Variants in CLVS1 observed in about 807,000 individuals in gnomAD.
CLVS1 encodes clavesin 1, also known as clavesin-1.
Under a neutral mutation model 33.1 loss-of-function variants are expected in CLVS1, and 10 were observed. That is an observed-to-expected ratio of 0.30 (90% CI 0.19 to 0.51). The LOEUF is 0.51. CLVS1 is among the 20% of genes least tolerant of loss of function. The pLI, the probability that CLVS1 is intolerant of heterozygous loss-of-function variation, is 0.97. For synonymous variants in CLVS1, 163 were observed against 166.1 expected, an observed-to-expected ratio of 0.98 and a Z score of 0.14; for missense variants, 343 against 433.4, an observed-to-expected ratio of 0.79 and a Z score of 1.85.
chr8:61,285,488 T>C (rs1809757943), upstream of CLVS1, among the ~76,000 whole-genome samples: 1 of 152,222 alleles, frequency 6.6e-6, no homozygotes, highest in Non-Finnish European at 1.5e-5. Flanking sequence ...TACATATTTG[T>C]TTACCAGGAT....
intron 1 of CLVS1, among the ~76,000 whole-genome samples, chr8:61,076,860 C>T (rs575844819): frequency 6.6e-6 from 1 of 152,312 alleles, no homozygotes; most frequent in East Asian, 1.9e-4. Flanking sequence ...TCCCTGCACC[C>T]ATTTAATGCA....
chr8:61,256,478 A>T (rs868838822), intron 2 of CLVS1, among the ~76,000 whole-genome samples: 2 of 152,236 alleles, frequency 1.3e-5, no homozygotes, highest in African/African-American at 4.8e-5. Context: ...GTGCCACTGC[A>T]CTCCAGCCTG....
intron 2 of CLVS1, among the ~76,000 whole-genome samples, chr8:61,156,858 G>A (rs140195706): frequency 0.017 from 2,518 of 152,258 alleles, 29 homozygotes; most frequent in African/African-American, 0.024. Context: ...AACTCTCAAT[G>A]TATCTGTCCA....
chr8:61,294,021 G>A (rs997349958), intron 1 of CLVS1, among the ~76,000 whole-genome samples: 1 of 152,084 alleles, frequency 6.6e-6, no homozygotes, highest in Non-Finnish European at 1.5e-5. Flanking sequence ...ATAATATTTA[G>A]GCTTTACAGA....
intron 3 of CLVS1, among the ~76,000 whole-genome samples, chr8:61,382,363 A>G (rs1468143238): frequency 1.3e-5 from 2 of 152,192 alleles, no homozygotes; most frequent in Non-Finnish European, 2.9e-5. Flanking sequence ...CTAGTCTTCT[A>G]AACAGGAGTA....
chr8:61,465,781 C>T (rs1375313547), intron 5 of CLVS1: 2 of 152,254 alleles, frequency 1.3e-5, no homozygotes, highest in Non-Finnish European at 2.9e-5. Flanking sequence ...CCTGCCTCAG[C>T]CTCCCAAGTA....
intron 5 of CLVS1, among the ~76,000 whole-genome samples, chr8:61,480,700 T>C (rs752796345): frequency 7.2e-5 from 11 of 152,128 alleles, no homozygotes; most frequent in Non-Finnish European, 1.5e-4. Flanking sequence ...AGACTGGAGC[T>C]GTTCCTATTC....
intron 5 of CLVS1, among the ~76,000 whole-genome samples, chr8:61,478,735 A>C (rs13250573): frequency 6.6e-6 from 1 of 151,936 alleles, no homozygotes; most frequent in Non-Finnish European, 1.5e-5. Context: ...TGGGTCTCCT[A>C]AATACAGCAC....
chr8:60,976,212 C>A, the CLVS1 span, among the ~76,000 whole-genome samples: 1 of 152,174 alleles, frequency 6.6e-6, no homozygotes, highest in African/African-American at 2.4e-5. Context: ...AGATGGCAGA[C>A]AAAAGTCACT....
upstream of CLVS1, among the ~76,000 whole-genome samples, chr8:61,052,948 A>G (rs1396944689): frequency 6.6e-6 from 1 of 152,122 alleles, no homozygotes; most frequent in East Asian, 1.9e-4. Context: ...CAGGTTGGTG[A>G]TGGTGGAGGT....
At chr8:61,193,514 A>G (rs926279176) in intron 2 of CLVS1, among the ~76,000 whole-genome samples, 2 of 106,934 alleles carry the variant, frequency 1.9e-5, no homozygotes, top group Non-Finnish European at 4.5e-5. Context: ...AACTTAAAGT[A>G]TAATAAAAAA....
rs559326177 is a variant in CLVS1 at position 61,348,431 on chromosome 8, G to A, written c.456-28174G>A. Among the ~76,000 whole-genome samples, 108 of 152,032 alleles carry A rather than the reference G, an allele frequency of 7.1e-4. 1 individual carries two copies. In the Middle Eastern group the frequency reaches 0.021, roughly 29 times the overall value. ...ACCAACATGGCACATGTATACATAT[G>A]TAACAAACCTGCACGTTGTGCACAT... is the stretch of plus-strand genomic sequence containing the variant. On this transcript the variant is annotated intron_variant, in intron 2 of 5. Transcript: ENST00000325897.
intron 3 of CLVS1, among the ~76,000 whole-genome samples, chr8:61,389,979 AG>A (rs1323545264): frequency 6.6e-5 from 10 of 152,186 alleles, no homozygotes; most frequent in African/African-American, 2.4e-4. Flanking sequence ...AGCCCTTTGA[AG>A]GTTTGCCTTT....
intron 1 of CLVS1, among the ~76,000 whole-genome samples, chr8:61,076,090 T>C (rs958754701): frequency 3.3e-5 from 5 of 152,202 alleles, no homozygotes; most frequent in African/African-American, 1.2e-4. Flanking sequence ...CAAAAGAAAG[T>C]TACCCATTTG....
intron 1 of CLVS1, among the ~76,000 whole-genome samples, chr8:61,124,576 G>A (rs1027489065): frequency 3.3e-5 from 5 of 152,018 alleles, no homozygotes; most frequent in East Asian, 1.9e-4. Context: ...ATGTATTATC[G>A]TTGTTCCTTC....
intron 2 of CLVS1, among the ~76,000 whole-genome samples, chr8:61,238,146 G>A (rs1249413289): frequency 6.6e-6 from 1 of 152,168 alleles, no homozygotes; most frequent in African/African-American, 2.4e-5. Context: ...AAATAAAGAA[G>A]CTATGAGATC....
chr8:61,188,172 G>A (rs933919347), intron 2 of CLVS1, among the ~76,000 whole-genome samples: 2 of 152,082 alleles, frequency 1.3e-5, no homozygotes, highest in African/African-American at 2.4e-5. Context: ...ATAGTGAATT[G>A]GATGTAGACT....
At chr8:61,045,117 C>T in the CLVS1 span, among the ~76,000 whole-genome samples, 1 of 152,194 alleles carries the variant, frequency 6.6e-6, no homozygotes, top group Non-Finnish European at 1.5e-5. Context: ...CAAGAACTTC[C>T]TCTCACCAGG....
intron 2 of CLVS1, among the ~76,000 whole-genome samples, chr8:61,306,617 G>A (rs1156538155): frequency 6.6e-6 from 1 of 152,126 alleles, no homozygotes; most frequent in East Asian, 1.9e-4. Context: ...ACATGGGAGT[G>A]TAGATTTCTC....
Sources: allele counts gnomAD v4.1 joint callset (sites outside exome capture counted in the v4.1 genomes callset), GRCh38; gene constraint gnomAD v4.1.1; transcripts MANE v1.5; gene names NCBI Gene and HGNC (gene_info 2026-07-23, HGNC 2026-07-21).